The following CUBN variants were observed in gnomAD, a reference collection of about 807,000 sequenced individuals.
The protein encoded by CUBN is 460 kDa receptor.
CUBN carries 282 observed loss-of-function variants against 405.3 expected under a neutral mutation model. That is an observed-to-expected ratio of 0.70 (90% CI 0.63 to 0.77). The LOEUF is 0.77. Ranked by LOEUF, CUBN falls within the 30% of genes least tolerant of loss-of-function variation. CUBN has a pLI of 0.00. For synonymous variants in CUBN, 1,684 were observed against 1,617.0 expected (o/e 1.04, Z -0.99); for missense variants, 4,514 against 4,475.2 (o/e 1.01, Z -0.25).
intron 10 of CUBN, 71 bp from the exon 11 acceptor site, chr10:17,105,646 G>T: frequency 1.2e-6 from 1 of 845,872 alleles, no homozygotes. Flanking sequence ...TCTAAACTCA[G>T]AATCTGCTGT....
intron 36 of CUBN, among the ~76,000 whole-genome samples, chr10:16,942,784 A>AAAGGG (rs144169849): frequency 0.46 from 64,855 of 139,822 alleles, 16,524 homozygotes; most frequent in African/African-American, 0.68. Context: ...GGTAAAGGAA[A>AAAGGG]AAGGGAAGGG....
intron 19 of CUBN, among the ~76,000 whole-genome samples, chr10:17,068,983 T>G (rs1413162506): frequency 2.0e-5 from 3 of 152,190 alleles, no homozygotes; most frequent in African/African-American, 7.2e-5. Flanking sequence ...CAGCCACTAA[T>G]CTACTTTCTG....
chr10:17,014,489 A>G (rs1406260312), intron 28 of CUBN, among the ~76,000 whole-genome samples: 3 of 152,268 alleles, frequency 2.0e-5, no homozygotes, highest in South Asian at 4.1e-4. Flanking sequence ...GATTCCAAGG[A>G]ACCCCCACAA....
chr10:16,871,929 A>C (rs1840365560), intron 58 of CUBN, among the ~76,000 whole-genome samples: 1 of 152,154 alleles, frequency 6.6e-6, no homozygotes. Context: ...TAATTTTCTA[A>C]ACCTGCAGAT....
At chr10:16,977,456 T>A (rs1833132418) in intron 31 of CUBN, among the ~76,000 whole-genome samples, 1 of 152,072 alleles carries the variant, frequency 6.6e-6, no homozygotes, top group African/African-American at 2.4e-5. Flanking sequence ...CCAGGGTCAG[T>A]CAAAGAAGAA....
chr10:17,127,868 A>G lies in CUBN; in HGVS notation c.309T>C (p.Pro103=). The change falls in exon 3 of 67, where the codon CCT becomes CCC. Residue 103 remains proline (P), a synonymous_variant. Coordinates refer to ENST00000377833, the MANE Select transcript of CUBN (RefSeq NM_001081.4). ...GATAGATTTGACTAGATATATTTTG[A>G]GGCAGACCAATTGCACTCCCTTTTA... ...IELKGSAIGL[P]QNISSQIYQL... is the part of the protein sequence containing the mutation. 6.2e-7 allele frequency: 1 copy of G among 1,613,230 alleles called. No homozygotes were observed. The highest frequency in any genetic ancestry group is 8.5e-7 in the Non-Finnish European group (1 of 1,179,306).
At chr10:17,108,047 A>G (rs1483626474) in intron 10 of CUBN, among the ~76,000 whole-genome samples, 3 of 152,216 alleles carry the variant, frequency 2.0e-5, no homozygotes, top group Non-Finnish European at 4.4e-5. Context: ...AGGGCAGCCT[A>G]AAAGTACACA....
chr10:16,827,381 A>G (rs1838814414), intron 66 of CUBN, among the ~76,000 whole-genome samples: 1 of 152,248 alleles, frequency 6.6e-6, no homozygotes, highest in Non-Finnish European at 1.5e-5. Context: ...AGGTGTTAAG[A>G]ATATATGAGA....
chr10:16,904,031 C>G lies in CUBN; in HGVS notation c.7997G>C (p.Trp2666Ser). 3 of 1,612,604 alleles carry G rather than the reference C, an allele frequency of 1.9e-6. No homozygotes were observed. Among genetic ancestry groups the G allele is most frequent in the Non-Finnish European group, 2.5e-6 (3 of 1,178,726 alleles). Residue 2666 changes from tryptophan (W) to serine (S), a missense_variant, in exon 51 of 67, where the codon TGG (tryptophan) becomes TCG (serine). By Grantham distance (177) the Trp-to-Ser change is radical. Around this residue, in one of 5 missense-constraint regions of CUBN, gnomAD observed 1,186 missense variants for 1,186.9 expected, o/e 1.00. Coordinates refer to ENST00000377833, the MANE Select transcript of CUBN (RefSeq NM_001081.4). ...LPLVIPYSQV[W>S]IHFVTNERVE... ...ACGTTCGTTGGTGACAAAGTGAATCCATACCTGAGAATAAGGTATAACCAA... is the reference window on the plus strand; with the variant it reads ...ACGTTCGTTGGTGACAAAGTGAATCGATACCTGAGAATAAGGTATAACCAA...
chr10:17,003,021 T>C (rs1833931394), intron 28 of CUBN, among the ~76,000 whole-genome samples: 1 of 151,988 alleles, frequency 6.6e-6, no homozygotes, highest in Admixed American at 6.6e-5. Context: ...GCCCAAAATA[T>C]CAAATAGGCT....
intron 48 of CUBN, among the ~76,000 whole-genome samples, chr10:16,913,505 G>A (rs1345125846): frequency 6.6e-6 from 1 of 152,298 alleles, no homozygotes; most frequent in Admixed American, 6.5e-5. Flanking sequence ...CCATTCAGCT[G>A]TGTGCTGCTG....
At chr10:17,114,492 G>A (rs1299187098) in intron 7 of CUBN, among the ~76,000 whole-genome samples, 1 of 152,150 alleles carries the variant, frequency 6.6e-6, no homozygotes, top group Non-Finnish European at 1.5e-5. Flanking sequence ...AGCCTGCTAT[G>A]TTTTTAGAGG....
At chr10:16,862,260 G>C (rs1224502682) in intron 59 of CUBN, among the ~76,000 whole-genome samples, 1 of 151,948 alleles carries the variant, frequency 6.6e-6, no homozygotes, top group Non-Finnish European at 1.5e-5. Context: ...AAAATCAGGA[G>C]TTTGGGGGAC....
chr10:17,112,610 C>G (rs1261450823), intron 8 of CUBN, among the ~76,000 whole-genome samples: 1 of 151,738 alleles, frequency 6.6e-6, no homozygotes, highest in African/African-American at 2.4e-5. Context: ...TGATTGCTTG[C>G]AAATTGTGCT....
Position 16,889,953 on chromosome 10 carries a change from A to AAAAAAAAAAAAAAAACAAAAG in CUBN, c.8755+417_8755+418insCTTTTGTTTTTTTTTTTTTTT, listed in dbSNP as rs57009841. 1.7e-5 allele frequency among the ~76,000 whole-genome samples: 2 copies of AAAAAAAAAAAAAAAACAAAAG among 118,014 alleles called. 1 individual carries two copies. The highest frequency in any genetic ancestry group is 8.4e-5 in the African/African-American group (2 of 23,838). 77.4% of individuals were successfully genotyped at this position (118,014 alleles called of 152,430 possible). On this transcript the variant is annotated intron_variant, in intron 55 of 66. Coordinates refer to ENST00000377833, the MANE Select transcript of CUBN (RefSeq NM_001081.4). ...GCCGTGTCAAAAAAAAAAAAAAAAA[A>AAAAAAAAAAAAAAAACAAAAG]CAGGAAAGACTTCGTCATGGAAATT...
rs113215465 is a variant in CUBN at position 17,107,288 on chromosome 10, A to G, written c.1112-1713T>C. 3.0e-4 allele frequency among the ~76,000 whole-genome samples: 46 copies of G among 152,314 alleles called. 1 individual carries two copies. The highest frequency in any genetic ancestry group is 3.4e-3 in the Middle Eastern group (1 of 294). The stretch of plus-strand genomic sequence containing the variant: ...TTCTCACTTAATAGCAAAAAGCCAC[A>G]TCTCATTGCAGAAATATATGTTCTT... On this transcript the variant is annotated intron_variant, in intron 10 of 66. Coordinates refer to ENST00000377833, the MANE Select transcript of CUBN (RefSeq NM_001081.4).
At position 16,895,344 on chromosome 10, in the gene CUBN, CACACACACACACACATATATAT is replaced by C. The variant is rs1469414831; in HGVS notation, c.8598+3630_8598+3651del. Among the ~76,000 whole-genome samples, 558 of 125,646 alleles carry C rather than the reference CACACACACACACACATATATAT, an allele frequency of 4.4e-3. 4 individuals are homozygous for C. Among genetic ancestry groups the C allele is most frequent in the African/African-American group, 0.018 (542 of 30,460 alleles). The allele number at this position is 125,646 out of a possible 152,430, so 82.4% of individuals were successfully genotyped here. ...TTTTACATATATATATTTATACACA[CACACACACACACACATATATAT>C]ACACACACACACACACATATATATG... On this transcript the variant is annotated intron_variant, in intron 54 of 66. Transcript: ENST00000377833.
chr10:16,979,757 A>G (rs1451523509), intron 31 of CUBN, among the ~76,000 whole-genome samples: 1 of 152,236 alleles, frequency 6.6e-6, no homozygotes, highest in African/African-American at 2.4e-5. Flanking sequence ...AAACCCAGGC[A>G]ATACCATTCA....
At chr10:16,830,859 G>A (rs1838966660) in intron 65 of CUBN, among the ~76,000 whole-genome samples, 1 of 152,182 alleles carries the variant, frequency 6.6e-6, no homozygotes, top group Non-Finnish European at 1.5e-5. Flanking sequence ...ACTTTGGGAG[G>A]TTGGATCACC....
Sources: allele counts gnomAD v4.1 joint callset (sites outside exome capture counted in the v4.1 genomes callset), GRCh38; gene constraint gnomAD v4.1.1; regional missense constraint gnomAD v4.1.1; transcripts MANE v1.5; gene names NCBI Gene and HGNC (gene_info 2026-07-23, HGNC 2026-07-21).